Variants in SDK1 observed in about 807,000 individuals in gnomAD.
SDK1 encodes sidekick cell adhesion molecule 1, also known as protein sidekick-1.
Under a neutral mutation model 245.5 loss-of-function variants are expected in SDK1, and 157 were observed. The ratio of observed to expected loss-of-function variants is 0.64; its 90% confidence interval spans 0.56 to 0.73. The LOEUF is 0.73. SDK1 is among the 30% of genes least tolerant of loss of function. The pLI is 0.00. For missense variants in SDK1, 3,583 were observed against 3,002.3 expected (o/e 1.19, Z -4.52); for synonymous variants, 1,647 against 1,278.5 (o/e 1.29, Z -6.15).
At chr7:3,962,563 A>T in intron 8 of SDK1, 94 bp from the exon 9 acceptor site, 1 of 1,104,792 alleles carries the variant, frequency 9.1e-7, no homozygotes. Context: ...AATGCCTATT[A>T]AAATATTGGC....
At chr7:4,000,145 C>T (rs1784966888) in intron 14 of SDK1, among the ~76,000 whole-genome samples, 1 of 152,170 alleles carries the variant, frequency 6.6e-6, no homozygotes, top group Admixed American at 6.5e-5. Flanking sequence ...CCCAAGATGG[C>T]CTAGAGCCCC....
At chr7:3,993,961 C>G (rs1369018387) in intron 14 of SDK1, among the ~76,000 whole-genome samples, 2 of 152,202 alleles carry the variant, frequency 1.3e-5, no homozygotes, top group African/African-American at 4.8e-5. Flanking sequence ...CACAGACCTC[C>G]TTGTTCCCAG....
At chr7:3,906,861 C>T (rs1007681674) in intron 5 of SDK1, among the ~76,000 whole-genome samples, 4 of 152,060 alleles carry the variant, frequency 2.6e-5, no homozygotes, top group African/African-American at 9.7e-5. Context: ...AACTCCTGAG[C>T]TCAGGCAATC....
chr7:4,143,093 T>G (rs1045474329), intron 28 of SDK1, among the ~76,000 whole-genome samples: 17 of 151,912 alleles, frequency 1.1e-4, no homozygotes, highest in African/African-American at 3.9e-4. Context: ...CATTGCAAAG[T>G]TGGGGGTGTC....
chr7:3,629,416 A>T (rs1453919396), intron 2 of SDK1, among the ~76,000 whole-genome samples: 1 of 152,222 alleles, frequency 6.6e-6, no homozygotes, highest in Non-Finnish European at 1.5e-5. Context: ...CAGCACATTC[A>T]TGTGAGAAAA....
intron 5 of SDK1, among the ~76,000 whole-genome samples, chr7:3,849,458 T>C (rs566635855): frequency 5.1e-4 from 77 of 152,348 alleles, no homozygotes; most frequent in African/African-American, 1.8e-3. Flanking sequence ...TTCCTGGACA[T>C]TTGTGGGAAC....
In SDK1 at chr7:4,265,858, G is replaced by A. The variant is rs1788435810; in HGVS notation, c.*474G>A. 12 of 989,106 alleles carry A rather than the reference G, an allele frequency of 1.2e-5. No individual in the cohort carries two copies. Among genetic ancestry groups the A allele is most frequent in the South Asian group, 4.7e-5 (1 of 21,360 alleles). The allele number at this position is 989,106 out of a possible 1,614,324, so 61.3% of individuals were successfully genotyped here. On this transcript the variant is annotated 3_prime_UTR_variant, in exon 45 of 45. Transcript: ENST00000404826. ...CTTCTCAACGCAGGACATCCTCGGC[G>A]GCTCCTGGGGTTTGAAGAGCAAACG...
In SDK1 at chr7:3,574,882, C is replaced by T. The variant is rs575792872; in HGVS notation, c.299-44198C>T. On this transcript the variant is annotated intron_variant, in intron 1 of 44. Coordinates refer to ENST00000404826, the MANE Select transcript of SDK1 (RefSeq NM_152744.4). ...AGAAGTACCAATTTTACAAATTACA[C>T]GAAAGGCATTTTCTCTGAGTTGTAG... Among the ~76,000 whole-genome samples, 274 of 152,144 alleles carry T rather than the reference C, an allele frequency of 1.8e-3. 3 individuals carry two copies. Among genetic ancestry groups the T allele is most frequent in the African/African-American group, 6.1e-3 (254 of 41,542 alleles).
chr7:3,564,873 C>T (rs1779860171), intron 1 of SDK1, among the ~76,000 whole-genome samples: 1 of 151,930 alleles, frequency 6.6e-6, no homozygotes, highest in African/African-American at 2.4e-5. Flanking sequence ...GATTACAGTA[C>T]CTGTGAATGT....
At chr7:3,783,865 G>A (rs1226714556) in intron 4 of SDK1, among the ~76,000 whole-genome samples, 1 of 151,782 alleles carries the variant, frequency 6.6e-6, no homozygotes, top group Non-Finnish European at 1.5e-5. Context: ...TAAAATTTAT[G>A]TAGAAACAAA....
intron 5 of SDK1, among the ~76,000 whole-genome samples, chr7:3,874,517 A>G (rs765481293): frequency 1.2e-4 from 19 of 152,070 alleles, no homozygotes; most frequent in South Asian, 4.1e-4. Context: ...AGTCCTGACA[A>G]GTGTTCCTGC....
intron 4 of SDK1, among the ~76,000 whole-genome samples, chr7:3,712,159 G>A (rs1210225169): frequency 1.3e-5 from 2 of 152,188 alleles, no homozygotes; most frequent in Admixed American, 6.5e-5. Context: ...GGGTGGGCAA[G>A]TGAGCGAAGT....
intron 4 of SDK1, among the ~76,000 whole-genome samples, chr7:3,793,398 A>G (rs755960180): frequency 3.3e-5 from 5 of 152,128 alleles, no homozygotes; most frequent in Non-Finnish European, 5.9e-5. Context: ...CTTATGCTCT[A>G]CAAGAAAATC....
intron 25 of SDK1, among the ~76,000 whole-genome samples, chr7:4,123,744 C>T (rs1784212384): frequency 6.6e-6 from 1 of 152,200 alleles, no homozygotes; most frequent in Non-Finnish European, 1.5e-5. Flanking sequence ...GAAGGGGGCT[C>T]ACAGTGTTTT....
At chr7:3,533,442 C>G (rs775227304) in intron 1 of SDK1, among the ~76,000 whole-genome samples, 1 of 152,100 alleles carries the variant, frequency 6.6e-6, no homozygotes, top group Non-Finnish European at 1.5e-5. Flanking sequence ...GATAGTGCCA[C>G]CAAAATAAAT....
intron 1 of SDK1, among the ~76,000 whole-genome samples, chr7:3,423,572 C>CTT (rs57476358): frequency 1.2e-3 from 161 of 137,634 alleles, no homozygotes; most frequent in Middle Eastern, 3.9e-3. Context: ...GAAACAGTGG[C>CTT]TTTTTTTTTT....
At chr7:3,829,855 C>T (rs1422211275) in intron 5 of SDK1, among the ~76,000 whole-genome samples, 1 of 152,176 alleles carries the variant, frequency 6.6e-6, no homozygotes, top group Non-Finnish European at 1.5e-5. Flanking sequence ...AGCTTTGAGG[C>T]TGGCACCCTT....
intron 2 of SDK1, among the ~76,000 whole-genome samples, chr7:3,638,001 A>T (rs1410035082): frequency 6.6e-6 from 1 of 152,242 alleles, no homozygotes; most frequent in Non-Finnish European, 1.5e-5. Context: ...AATCTTTGGA[A>T]ATTCTGATGT....
chr7:3,428,741 A>T (rs950921677), intron 1 of SDK1, among the ~76,000 whole-genome samples: 1 of 152,092 alleles, frequency 6.6e-6, no homozygotes, highest in African/African-American at 2.4e-5. Flanking sequence ...ACCTTATCTG[A>T]GGTTATTTTT....
Sources: gnomAD v4.1 joint callset for allele counts (sites outside exome capture counted in the v4.1 genomes callset) on GRCh38, gnomAD v4.1.1 for gene constraint, MANE v1.5 for transcripts, NCBI Gene and HGNC (gene_info 2026-07-23, HGNC 2026-07-21) for gene names.